The following RGS7 variants were observed in gnomAD, a reference collection of about 807,000 sequenced individuals.
RGS7 encodes regulator of G protein signaling 7.
RGS7 carries 27 observed loss-of-function variants against 81.1 expected under a neutral mutation model. The ratio of observed to expected loss-of-function variants is 0.33; its 90% CI spans 0.25 to 0.46. The LOEUF is 0.46. Among genes scored for constraint, RGS7 ranks in the 20% least tolerant of loss-of-function variants. RGS7 has a pLI of 1.00. For missense variants in RGS7, 396 were observed against 607.4 expected (o/e 0.65, Z 3.66); for synonymous variants, 208 against 207.7 (o/e 1.00, Z -0.01).
chr1:240,907,704 G>A (rs868793463), intron 6 of RGS7, among the ~76,000 whole-genome samples: 55 of 152,280 alleles, frequency 3.6e-4, no homozygotes, highest in African/African-American at 1.2e-3. Flanking sequence ...TAACTTCAAT[G>A]TTTGATCAAA....
At chr1:241,078,079 A>C (rs1300997226) in intron 3 of RGS7, among the ~76,000 whole-genome samples, 1 of 149,620 alleles carries the variant, frequency 6.7e-6, no homozygotes, top group Non-Finnish European at 1.5e-5. Flanking sequence ...ATTACATATA[A>C]TATATATTTA....
chr1:240,859,440 G>GTT (rs5782167), intron 9 of RGS7, among the ~76,000 whole-genome samples: 25 of 110,818 alleles, frequency 2.3e-4, no homozygotes, highest in African/African-American at 5.8e-4. Flanking sequence ...TTTCTTTCCT[G>GTT]TTTTTTTTTT....
At position 240,868,094 on chromosome 1, in the gene RGS7, A is replaced by G. The variant is rs1447626338; in HGVS notation, c.609+493T>C. ...GAAAAGAAAGAAAGAAAAAGAAAGAAAAGAAAAAGAAAGAAAAGAAAAGGA... is the reference window on the plus strand; with the variant it reads ...GAAAAGAAAGAAAGAAAAAGAAAGAGAAGAAAAAGAAAGAAAAGAAAAGGA... On this transcript the variant is annotated intron_variant, in intron 9 of 18. Coordinates refer to ENST00000440928, the MANE Select transcript of RGS7 (RefSeq NM_001364886.1). The surrounding 1 kb of genome is among the most constrained non-coding windows in gnomAD (Gnocchi z 5.1). Among the ~76,000 whole-genome samples the G allele has an allele frequency of 6.9e-6, 1 of 145,458 alleles. No individual in the cohort carries two copies. The highest frequency in any genetic ancestry group is 1.5e-5 in the Non-Finnish European group (1 of 67,308).
At position 240,851,978 on chromosome 1, in the gene RGS7, G is replaced by A. The variant is rs193176501; in HGVS notation, c.609+16609C>T. Among the ~76,000 whole-genome samples, 215 of 152,290 alleles carry A rather than the reference G, an allele frequency of 1.4e-3. 1 individual carries two copies. The highest frequency in any genetic ancestry group is 3.2e-3 in the Admixed American group (49 of 15,294). On this transcript the variant is annotated intron_variant, in intron 9 of 18. Coordinates refer to ENST00000440928, the MANE Select transcript of RGS7 (RefSeq NM_001364886.1). ...TGAACATTGTTGAAATAACAACAAA[G>A]AATTTAGAATATTATATAAACTTAG...
intron 3 of RGS7, among the ~76,000 whole-genome samples, chr1:240,994,798 T>C (rs1687024945): frequency 6.6e-6 from 1 of 152,070 alleles, no homozygotes; most frequent in South Asian, 2.1e-4. Context: ...TTACTATTAT[T>C]ATTTGAGACT....
chr1:240,866,782 G>A (rs998492994), intron 9 of RGS7, among the ~76,000 whole-genome samples: 1 of 152,188 alleles, frequency 6.6e-6, no homozygotes, highest in Non-Finnish European at 1.5e-5. Context: ...GAGCAGGGGA[G>A]TGTTTGAGGT....
At chr1:241,188,285 T>TCACACACACACA (rs59722851) in intron 2 of RGS7, among the ~76,000 whole-genome samples, 17 of 148,156 alleles carry the variant, frequency 1.1e-4, no homozygotes, top group African/African-American at 4.2e-4. Flanking sequence ...TCTTTTATCC[T>TCACACACACACA]CACACACACA....
rs376019356 is a variant in RGS7 at position 241,101,919 on chromosome 1, T to C, written c.79-3157A>G. ...TGCGTAGCTATGAGTGGCAGTGTTTTCTTTGTATAGTCTCATCCCCTCTCA... is the reference window on the plus strand; with the variant it reads ...TGCGTAGCTATGAGTGGCAGTGTTTCCTTTGTATAGTCTCATCCCCTCTCA... On this transcript the variant is annotated intron_variant, in intron 2 of 18. Transcript: ENST00000440928. Among the ~76,000 whole-genome samples the C allele has an allele frequency of 5.3e-4, 80 of 152,360 alleles. 2 individuals carry two copies. The South Asian group carries it at 0.016, about 30-fold the overall frequency.
At chr1:240,901,954 C>T (rs1271145365) in intron 6 of RGS7, among the ~76,000 whole-genome samples, 1 of 152,152 alleles carries the variant, frequency 6.6e-6, no homozygotes, top group African/African-American at 2.4e-5. Context: ...TTCTTTGTGT[C>T]TAAAGAAATA....
chr1:240,867,987 C>A, intron 9 of RGS7, among the ~76,000 whole-genome samples: 1 of 123,226 alleles, frequency 8.1e-6, no homozygotes, highest in East Asian at 2.6e-4. Context: ...GGCCACAGAG[C>A]CAGATCCCAT....
intron 18 of RGS7, among the ~76,000 whole-genome samples, chr1:240,794,240 T>C (rs1176108087): frequency 6.6e-6 from 1 of 152,118 alleles, no homozygotes; most frequent in Admixed American, 6.5e-5. Flanking sequence ...TTCTGAATAC[T>C]CTAAGGCTTG....
intron 2 of RGS7, among the ~76,000 whole-genome samples, chr1:241,209,993 A>G (rs2074149744): frequency 1.3e-5 from 2 of 152,156 alleles, no homozygotes; most frequent in African/African-American, 4.8e-5. Flanking sequence ...ATGTAATGTC[A>G]TTGTCAAAAA....
chr1:240,885,140 C>T (rs1004674400), intron 6 of RGS7, among the ~76,000 whole-genome samples: 1 of 152,150 alleles, frequency 6.6e-6, no homozygotes, highest in Non-Finnish European at 1.5e-5. Context: ...CCAACAATCA[C>T]ATGATAAAAA....
intron 2 of RGS7, among the ~76,000 whole-genome samples, chr1:241,129,421 T>G (rs1327029013): frequency 6.6e-6 from 1 of 150,852 alleles, no homozygotes; most frequent in East Asian, 1.9e-4. Flanking sequence ...TTCATCAGCA[T>G]GGGACCTTCC....
intron 2 of RGS7, among the ~76,000 whole-genome samples, chr1:241,256,173 T>C (rs12403657): frequency 0.11 from 16,754 of 152,236 alleles, 1,023 homozygotes; most frequent in Admixed American, 0.19. Context: ...CATCAATTTC[T>C]TATTTATGTA....
At chr1:241,314,618 T>A (rs539111823) in intron 2 of RGS7, among the ~76,000 whole-genome samples, 11 of 152,280 alleles carry the variant, frequency 7.2e-5, no homozygotes, top group African/African-American at 2.6e-4. Context: ...CTATAATACA[T>A]AAATTATATA....
At chr1:241,269,261 A>G (rs2077748378) in intron 2 of RGS7, among the ~76,000 whole-genome samples, 1 of 152,244 alleles carries the variant, frequency 6.6e-6, no homozygotes, top group South Asian at 2.1e-4. Flanking sequence ...AGGGCTGTGG[A>G]GGTGGCATAA....
At chr1:240,866,317 C>T (rs1228905234) in intron 9 of RGS7, among the ~76,000 whole-genome samples, 1 of 151,766 alleles carries the variant, frequency 6.6e-6, no homozygotes, top group Non-Finnish European at 1.5e-5. Context: ...CGAGATCATC[C>T]TTGCTAACAC....
chr1:241,103,155 G>GTATGTGTGTGTATA (rs2064881647), intron 2 of RGS7, among the ~76,000 whole-genome samples: 1 of 151,992 alleles, frequency 6.6e-6, no homozygotes, highest in Non-Finnish European at 1.5e-5. Context: ...ATATATATAT[G>GTATGTGTGTGTATA]TATGTGTGTG....
Sources: allele counts gnomAD v4.1 joint callset (sites outside exome capture counted in the v4.1 genomes callset), GRCh38; gene constraint gnomAD v4.1.1; non-coding constraint Gnocchi (gnomAD v3.1); transcripts MANE v1.5; gene names NCBI Gene and HGNC (gene_info 2026-07-23, HGNC 2026-07-21).